SVIL: variants seen among roughly 807,000 people sequenced by gnomAD.
SVIL encodes the protein archvillin.
SVIL carries 101 observed loss-of-function variants against 240.4 expected under a neutral mutation model. That is an observed-to-expected ratio of 0.42 (90% confidence interval 0.36 to 0.50). The LOEUF (loss-of-function observed/expected upper bound fraction) is 0.50. SVIL is among the 20% of genes least tolerant of loss of function. The pLI is 0.01. For missense variants in SVIL, 2,512 were observed against 2,818.7 expected, an observed-to-expected ratio of 0.89 and a Z score of 2.46; for synonymous variants, 999 against 1,100.0, an observed-to-expected ratio of 0.91 and a Z score of 1.82.
chr10:29,677,760 A>G (rs1399259121), intron 2 of SVIL, among the ~76,000 whole-genome samples: 2 of 152,112 alleles, frequency 1.3e-5, no homozygotes, highest in African/African-American at 2.4e-5. Context: ...CGGATTCCCA[A>G]TTCCATAAGG....
At chr10:29,476,373 C>T (rs1946192569) in intron 29 of SVIL, among the ~76,000 whole-genome samples, 2 of 152,194 alleles carry the variant, frequency 1.3e-5, no homozygotes, top group Non-Finnish European at 1.5e-5. Flanking sequence ...TGCAAACAGA[C>T]TTGAGTGTAT....
intron 1 of SVIL, among the ~76,000 whole-genome samples, chr10:29,693,305 T>C (rs1485687489): frequency 6.8e-6 from 1 of 147,746 alleles, no homozygotes; most frequent in Non-Finnish European, 1.5e-5. Context: ...GTGTATTTAT[T>C]TGGGGATGGG....
intron 3 of SVIL, among the ~76,000 whole-genome samples, chr10:29,560,862 A>G (rs10763723): frequency 0.52 from 78,057 of 149,880 alleles, 20,680 homozygotes; most frequent in African/African-American, 0.63. Context: ...TTTTTTAGAC[A>G]GAGTCTCGCT....
intron 1 of SVIL, among the ~76,000 whole-genome samples, chr10:29,717,283 G>GT (rs1254580753): frequency 2.4e-4 from 27 of 110,416 alleles, no homozygotes; most frequent in South Asian, 6.5e-4. Context: ...TGTGATTTAT[G>GT]TTTTTTTTCA....
Position 29,502,696 on chromosome 10 carries a change from GGT to G in SVIL, c.3517-3435_3517-3434del, listed in dbSNP as rs370981986. Among the ~76,000 whole-genome samples, 36 of 151,564 alleles carry G rather than the reference GGT, an allele frequency of 2.4e-4. 1 individual carries two copies. In the South Asian group the frequency reaches 7.1e-3, roughly 30 times the overall value. On this transcript the variant is annotated intron_variant, in intron 17 of 37. Coordinates refer to ENST00000355867, the MANE Select transcript of SVIL (RefSeq NM_021738.3). ...ATGTGTGTGTGTGTGTGGGTGGGTGGGTGTGTGTGTGTAGAAGGCAGTGAAAT... is the reference window on the plus strand; with the variant it reads ...ATGTGTGTGTGTGTGTGGGTGGGTGGGTGTGTGTGTAGAAGGCAGTGAAAT...
chr10:29,582,850 C>T lies in SVIL; in HGVS notation c.-200-13538G>A, dbSNP rs372002170. ...GCAGCATGCCACACCTTCAGAGCTGCGGGGGCCCATGCCTCTCCTCTCGTG... is the reference window on the plus strand; with the variant it reads ...GCAGCATGCCACACCTTCAGAGCTGTGGGGGCCCATGCCTCTCCTCTCGTG... On this transcript the variant is annotated intron_variant, in intron 1 of 37. Transcript: ENST00000355867. Among the ~76,000 whole-genome samples the T allele has an allele frequency of 2.2e-4, 34 of 152,146 alleles. No homozygotes were observed. In the East Asian group the frequency reaches 3.9e-3, roughly 17 times the overall value.
chr10:29,713,638 C>T (rs1038665742), intron 1 of SVIL, among the ~76,000 whole-genome samples: 6 of 152,094 alleles, frequency 3.9e-5, no homozygotes, highest in African/African-American at 1.2e-4. Flanking sequence ...GGCAAATAGA[C>T]AATTCATAAA....
chr10:29,458,437 G>A lies in SVIL; in HGVS notation c.6555C>T (p.Phe2185=), dbSNP rs761584860. The A allele has an allele frequency of 5.0e-6, 8 of 1,586,092 alleles. No individual in the cohort carries two copies. Among genetic ancestry groups the A allele is most frequent in the East Asian group, 4.5e-5 (2 of 44,354 alleles). Residue 2185 remains phenylalanine, a synonymous_variant, in exon 37 of 38, where the codon TTC becomes TTT. Coordinates refer to ENST00000355867, the MANE Select transcript of SVIL (RefSeq NM_021738.3). ...CCCCACCGGAAGAACCGCTTACCTC[G>A]AAGTCTTCGTCGGTGAGATAGATCT... ...KLEIYLTDED[F]EFALDMTRDE...
At chr10:29,565,349 C>G (rs534739248) in intron 2 of SVIL, among the ~76,000 whole-genome samples, 2 of 152,336 alleles carry the variant, frequency 1.3e-5, no homozygotes, top group African/African-American at 4.8e-5. Context: ...TCGAAACACG[C>G]TACAAATAGT....
At chr10:29,591,861 C>T (rs1564679446) in intron 1 of SVIL, among the ~76,000 whole-genome samples, 1 of 152,204 alleles carries the variant, frequency 6.6e-6, no homozygotes, top group Non-Finnish European at 1.5e-5. Context: ...CTGTTCCTGG[C>T]TTAGGAGGAA....
Position 29,512,715 on chromosome 10 carries a change from C to T in SVIL, c.3516+20G>A. The stretch of plus-strand genomic sequence containing the variant: ...GAGTGATGTTAGTCGGAAGGCTTTT[C>T]CTAACATGGGGAATGTTACCTTCTT... On this transcript the variant is annotated intron_variant, in intron 17 of 37. Transcript: ENST00000355867. The T allele has an allele frequency of 6.2e-7, 1 of 1,614,130 alleles. No homozygotes were observed. The highest frequency in any genetic ancestry group is 2.2e-5 in the East Asian group (1 of 44,882).
chr10:29,679,883 GA>G (rs996448699), intron 2 of SVIL, among the ~76,000 whole-genome samples: 46 of 148,388 alleles, frequency 3.1e-4, no homozygotes, highest in Middle Eastern at 3.5e-3. Context: ...TCTAAAATTA[GA>G]AAAAAAAAAA....
At chr10:29,489,011 G>C (rs1477119766) in intron 22 of SVIL, among the ~76,000 whole-genome samples, 1 of 152,250 alleles carries the variant, frequency 6.6e-6, no homozygotes, top group Non-Finnish European at 1.5e-5. Context: ...CAAGAACTGA[G>C]TGATGACGTG....
intron 1 of SVIL, among the ~76,000 whole-genome samples, chr10:29,617,820 A>G (rs1382994408): frequency 6.6e-6 from 1 of 152,198 alleles, no homozygotes; most frequent in African/African-American, 2.4e-5. Context: ...TCTCTATGGA[A>G]CAATAGAAAT....
chr10:29,703,230 G>A (rs1312822039), intron 1 of SVIL, among the ~76,000 whole-genome samples: 1 of 152,030 alleles, frequency 6.6e-6, no homozygotes, highest in Non-Finnish European at 1.5e-5. Context: ...AGTTTCTCTG[G>A]GTTCATTATT....
intron 1 of SVIL, among the ~76,000 whole-genome samples, chr10:29,628,311 G>C (rs1957953044): frequency 6.6e-6 from 1 of 152,168 alleles, no homozygotes; most frequent in Non-Finnish European, 1.5e-5. Context: ...GTGTGCAACT[G>C]CAACATGTAT....
chr10:29,728,676 TGGAAACCCTG>T (rs1047589941), intron 1 of SVIL, among the ~76,000 whole-genome samples: 5 of 152,096 alleles, frequency 3.3e-5, no homozygotes, highest in African/African-American at 1.2e-4. Flanking sequence ...AGCCATGTAT[TGGAAACCCTG>T]GGAAACTGCA....
intron 1 of SVIL, among the ~76,000 whole-genome samples, chr10:29,627,500 G>A (rs112805170): frequency 2.0e-5 from 3 of 151,974 alleles, no homozygotes; most frequent in African/African-American, 4.8e-5. Context: ...CTCCTGCACC[G>A]AGAGCAGGGA....
intron 10 of SVIL, among the ~76,000 whole-genome samples, chr10:29,531,006 TC>T (rs1951323762): frequency 6.6e-6 from 1 of 152,214 alleles, no homozygotes; most frequent in East Asian, 1.9e-4. Context: ...AAGAACCTGC[TC>T]CTTTGGTTTG....
Sources: allele counts gnomAD v4.1 joint callset (sites outside exome capture counted in the v4.1 genomes callset), GRCh38; gene constraint gnomAD v4.1.1; transcripts MANE v1.5; gene names NCBI Gene and HGNC (gene_info 2026-07-23, HGNC 2026-07-21).